The following CFAP44 variants were observed in gnomAD, a reference collection of about 807,000 sequenced individuals.
CFAP44 encodes cilia and flagella associated protein 44, also known as cilia- and flagella-associated protein 44.
In CFAP44, 134 loss-of-function variants were observed where a neutral mutation model predicts 216.2. The ratio of observed to expected loss-of-function variants is 0.62; its 90% CI spans 0.54 to 0.72. The LOEUF is 0.72. Ranked by LOEUF, CFAP44 falls within the 30% of genes least tolerant of loss-of-function variation. The pLI is 0.00. For missense variants in CFAP44, 2,035 were observed against 2,182.1 expected, an observed-to-expected ratio of 0.93 and a Z score of 1.34; for synonymous variants, 700 against 727.6, an observed-to-expected ratio of 0.96 and a Z score of 0.61.
Position 113,317,859 on chromosome 3 carries a change from CCAA to C in CFAP44, c.4516+8583_4516+8585del, listed in dbSNP as rs1242984113. On this transcript the variant is annotated intron_variant, in intron 28 of 34. Transcript: ENST00000393845. ...AAGGGGGCCCCATGGCCTGGAACAC[CCAA>C]CAACAACAAAAACACAGGCACAGTG... is the stretch of plus-strand genomic sequence containing the variant. Among the ~76,000 whole-genome samples the C allele has an allele frequency of 1.3e-4, 20 of 152,284 alleles. No individual in the cohort carries two copies. In the East Asian group the frequency reaches 3.1e-3, roughly 24 times the overall value.
chr3:113,378,444 A>C (rs1425995535), intron 17 of CFAP44, among the ~76,000 whole-genome samples: 4 of 152,126 alleles, frequency 2.6e-5, no homozygotes, highest in Non-Finnish European at 5.9e-5. Flanking sequence ...CAAAAGTTAC[A>C]TTTCTAGGAA....
chr3:113,394,771 T>C (rs1437288267), intron 15 of CFAP44, among the ~76,000 whole-genome samples: 2 of 152,246 alleles, frequency 1.3e-5, no homozygotes, highest in Non-Finnish European at 2.9e-5. Context: ...AGAAAGTTTA[T>C]GAATTTGTGT....
At position 113,382,928 on chromosome 3, in the gene CFAP44, G is replaced by A. The variant is rs1933551878; in HGVS notation, c.1891-1868C>T. Among the ~76,000 whole-genome samples the A allele has an allele frequency of 3.9e-5, 6 of 152,218 alleles. No homozygotes were observed. In the South Asian group the frequency reaches 1.2e-3, roughly 31 times the overall value. On this transcript the variant is annotated intron_variant, in intron 15 of 34. Transcript: ENST00000393845. ...TAAAATGGTCACCATGTGTGAAAGAGGGAGTTGATAAGAGCAATGTCATAG... is the reference window on the plus strand; with the variant it reads ...TAAAATGGTCACCATGTGTGAAAGAAGGAGTTGATAAGAGCAATGTCATAG...
chr3:113,343,054 T>C (rs1157989332), intron 23 of CFAP44, among the ~76,000 whole-genome samples: 1 of 137,532 alleles, frequency 7.3e-6, no homozygotes, highest in Non-Finnish European at 1.5e-5. Flanking sequence ...TTTCTTTCTT[T>C]CTTTCTTTTT....
At chr3:113,433,230 A>G (rs1360057439) in intron 2 of CFAP44, among the ~76,000 whole-genome samples, 1 of 151,862 alleles carries the variant, frequency 6.6e-6, no homozygotes, top group Non-Finnish European at 1.5e-5. Flanking sequence ...GGAGTTCGAG[A>G]CCAGCCTGAC....
At chr3:113,417,092 T>A (rs1934666916) in intron 5 of CFAP44, 1 of 153,286 alleles carries the variant, frequency 6.5e-6, no homozygotes, top group African/African-American at 2.4e-5. Flanking sequence ...AAGGTGATGT[T>A]GATGCAGCTA....
rs750683978 is a variant in CFAP44 at position 113,395,801 on chromosome 3, A to G, written c.1839T>C (p.Tyr613=). 1 of 1,613,990 alleles carries G rather than the reference A, an allele frequency of 6.2e-7. No individual in the cohort carries two copies. The highest frequency in any genetic ancestry group is 1.1e-5 in the South Asian group (1 of 91,052). ...GACACACAGGTCCAGGAGTATTAAT[A>G]TAACCAATCGGCTTATAATCCCTTT... ...EVERDYKPIG[Y]INTPGPVCQL... The change falls in exon 15 of 35, where the codon TAT becomes TAC. Residue 613 remains tyrosine, a synonymous_variant. Coordinates refer to ENST00000393845, the MANE Select transcript of CFAP44 (RefSeq NM_001164496.2).
At position 113,401,738 on chromosome 3, in the gene CFAP44, A is replaced by G; in HGVS notation, c.1172T>C (p.Ile391Thr). Reference sequence around the variant, plus strand: ...AGTGTCTATTGTCTCAAAATCCCATATCTTGTAAAATGAAAAGAAAATACT... The same window carrying G: ...AGTGTCTATTGTCTCAAAATCCCATGTCTTGTAAAATGAAAAGAAAATACT... ...ITVGSDGYVR[I>T]WDFETIDTAD... is the part of the protein sequence containing the mutation. Residue 391 changes from isoleucine to threonine, a missense_variant and splice_region_variant, in exon 10 of 35, where the codon ATA (isoleucine) becomes ACA (threonine). Coordinates refer to ENST00000393845, the MANE Select transcript of CFAP44 (RefSeq NM_001164496.2). 6.3e-7 allele frequency: 1 copy of G among 1,594,840 alleles called. No individual in the cohort carries two copies. The highest frequency in any genetic ancestry group is 1.1e-5 in the South Asian group (1 of 87,418).
intron 10 of CFAP44, 50 bp from the exon 11 acceptor site, chr3:113,401,337 A>AT (rs764778092): frequency 2.0e-6 from 3 of 1,495,000 alleles, no homozygotes; most frequent in Middle Eastern, 1.7e-4. Flanking sequence ...CTTTCATCAG[A>AT]TTTTTTAAAT....
intron 32 of CFAP44, among the ~76,000 whole-genome samples, chr3:113,299,165 T>C (rs1949910539): frequency 6.6e-6 from 1 of 152,206 alleles, no homozygotes; most frequent in South Asian, 2.1e-4. Context: ...ATTATTCATC[T>C]GACAAGGGGT....
At chr3:113,356,140 G>T (rs894439024) in intron 22 of CFAP44, among the ~76,000 whole-genome samples, 1 of 149,726 alleles carries the variant, frequency 6.7e-6, no homozygotes, top group Non-Finnish European at 1.5e-5. Context: ...CAATAAAAAT[G>T]ACTAATAATA....
In CFAP44 at chr3:113,353,908, G is replaced by A. The variant is rs1420885056; in HGVS notation, c.3065+4837C>T. On this transcript the variant is annotated intron_variant, in intron 22 of 34. Coordinates refer to ENST00000393845, the MANE Select transcript of CFAP44 (RefSeq NM_001164496.2). ...GGAAAAGAAACACCTGAAAGGAACAGACAGAATAATCCACAGATCTCACAC... is the reference window on the plus strand; with the variant it reads ...GGAAAAGAAACACCTGAAAGGAACAAACAGAATAATCCACAGATCTCACAC... 2.0e-5 allele frequency among the ~76,000 whole-genome samples: 3 copies of A among 152,150 alleles called. No homozygotes were observed. In the East Asian group the frequency reaches 5.8e-4, roughly 29 times the overall value.
At chr3:113,383,850 A>G (rs1428236710) in intron 15 of CFAP44, among the ~76,000 whole-genome samples, 4 of 152,148 alleles carry the variant, frequency 2.6e-5, no homozygotes, top group Admixed American at 2.6e-4. Flanking sequence ...TGCTGCACCC[A>G]TCGACCCATC....
At chr3:113,429,877 C>T (rs1935057780) in intron 2 of CFAP44, among the ~76,000 whole-genome samples, 2 of 152,034 alleles carry the variant, frequency 1.3e-5, no homozygotes. Context: ...TTAAGAGTTA[C>T]CATTTATTAT....
intron 21 of CFAP44, among the ~76,000 whole-genome samples, chr3:113,361,684 G>C (rs1204074382): frequency 1.3e-5 from 2 of 151,562 alleles, no homozygotes; most frequent in Non-Finnish European, 2.9e-5. Context: ...TTTTTTAGTG[G>C]AGACAGGGTT....
chr3:113,319,780 G>GT (rs1361497517), intron 28 of CFAP44, among the ~76,000 whole-genome samples: 2 of 151,616 alleles, frequency 1.3e-5, no homozygotes, highest in African/African-American at 4.8e-5. Flanking sequence ...AAACCAAGAG[G>GT]TTTTTTTCAA....
At chr3:113,302,616 C>G (rs934281570) in intron 32 of CFAP44, among the ~76,000 whole-genome samples, 1 of 150,804 alleles carries the variant, frequency 6.6e-6, no homozygotes, top group Non-Finnish European at 1.5e-5. Flanking sequence ...CAAAAATGAG[C>G]CGGGCGTGGT....
At chr3:113,429,946 T>C (rs555440726) in intron 2 of CFAP44, among the ~76,000 whole-genome samples, 3 of 152,196 alleles carry the variant, frequency 2.0e-5, no homozygotes, top group East Asian at 1.9e-4. Flanking sequence ...AGTAAAGACA[T>C]AGATGATCTG....
intron 7 of CFAP44, 78 bp downstream of exon 7, chr3:113,409,028 A>AT: frequency 1.2e-6 from 1 of 802,392 alleles, no homozygotes; most frequent in Non-Finnish European, 1.8e-6. Context: ...AAAAAAAAAA[A>AT]AGTCTCCAGC....
Sources: allele counts gnomAD v4.1 joint callset (sites outside exome capture counted in the v4.1 genomes callset), GRCh38; gene constraint gnomAD v4.1.1; transcripts MANE v1.5; gene names NCBI Gene and HGNC (gene_info 2026-07-23, HGNC 2026-07-21).